The following SLC2A9 variants were observed in gnomAD, a reference collection of about 807,000 sequenced individuals.
SLC2A9 encodes the protein solute carrier family 2, facilitated glucose transporter member 9.
SLC2A9 carries 39 observed loss-of-function variants against 50.6 expected under a neutral mutation model. The ratio of observed to expected loss-of-function variants is 0.77; its 90% CI spans 0.60 to 1.01. The LOEUF (loss-of-function observed/expected upper bound fraction) is 1.01, where lower values mean the gene tolerates loss of function less well. SLC2A9 is among the 50% of genes least tolerant of loss of function. SLC2A9 has a pLI of 0.00. For synonymous variants in SLC2A9, 324 were observed against 276.9 expected (o/e 1.17, Z -1.69); for missense variants, 686 against 677.6 (o/e 1.01, Z -0.14).
At chr4:9,843,340 T>C (rs1477915137) in intron 10 of SLC2A9, among the ~76,000 whole-genome samples, 3 of 152,088 alleles carry the variant, frequency 2.0e-5, no homozygotes, top group Non-Finnish European at 4.4e-5. Flanking sequence ...GTGAAGAAAA[T>C]GTTTATATCA....
chr4:9,860,535 C>A (rs539760294), intron 10 of SLC2A9, among the ~76,000 whole-genome samples: 2 of 152,302 alleles, frequency 1.3e-5, no homozygotes, highest in African/African-American at 4.8e-5. Context: ...GAGCTGAAAC[C>A]CTGCCTTCCC....
At chr4:9,830,497 T>C (rs147789702) in intron 11 of SLC2A9, among the ~76,000 whole-genome samples, 22 of 152,330 alleles carry the variant, frequency 1.4e-4, no homozygotes, top group African/African-American at 5.3e-4. Context: ...CTGCACATCC[T>C]GCACATGTAC....
intron 2 of SLC2A9, among the ~76,000 whole-genome samples, chr4:9,998,597 A>G (rs1425423415): frequency 6.6e-6 from 1 of 152,192 alleles, no homozygotes; most frequent in Non-Finnish European, 1.5e-5. Flanking sequence ...GGCATCAGCT[A>G]GTCAAATGGA....
chr4:9,892,133 G>A (rs1737583482), intron 8 of SLC2A9, among the ~76,000 whole-genome samples: 1 of 152,242 alleles, frequency 6.6e-6, no homozygotes, highest in African/African-American at 2.4e-5. Flanking sequence ...AGCTTAGCAT[G>A]GGCTGTTGTT....
At chr4:9,793,962 G>T (rs868768415) in intron 3 of SLC2A9, among the ~76,000 whole-genome samples, 7 of 152,184 alleles carry the variant, frequency 4.6e-5, no homozygotes, top group African/African-American at 1.2e-4. Flanking sequence ...AGGAAGAAAA[G>T]GGCTTGGGTA....
chr4:9,887,719 C>T (rs1736551222), intron 9 of SLC2A9, 77 bp from the exon 10 acceptor site: 3 of 1,209,792 alleles, frequency 2.5e-6, no homozygotes, highest in Non-Finnish European at 3.3e-6. Context: ...CCCAGCTCCT[C>T]CTCCATCCAT....
Position 9,894,997 on chromosome 4 carries a change from A to G in SLC2A9, c.1114-4286T>C, listed in dbSNP as rs571356463. Reference sequence around the variant, plus strand: ...TACATTGTTTTACGGAAATTAACATATATGTTTACTGATTTCAGTATTTTG... The same window carrying G: ...TACATTGTTTTACGGAAATTAACATGTATGTTTACTGATTTCAGTATTTTG... On this transcript the variant is annotated intron_variant, in intron 8 of 11. Coordinates refer to ENST00000264784, the MANE Select transcript of SLC2A9 (RefSeq NM_020041.3). Among the ~76,000 whole-genome samples the G allele has an allele frequency of 4.6e-5, 7 of 152,324 alleles. No homozygotes were observed. In the South Asian group the frequency reaches 8.3e-4, roughly 18 times the overall value.
intron 7 of SLC2A9, among the ~76,000 whole-genome samples, chr4:9,919,320 A>G (rs1010903177): frequency 2.0e-5 from 3 of 152,212 alleles, no homozygotes; most frequent in Non-Finnish European, 4.4e-5. Context: ...GGAGAAAGGT[A>G]AAAGCAAGAA....
chr4:9,800,795 G>A (rs1177590584), intron 3 of SLC2A9, among the ~76,000 whole-genome samples: 1 of 152,244 alleles, frequency 6.6e-6, no homozygotes, highest in African/African-American at 2.4e-5. Flanking sequence ...ATGGGAGGAT[G>A]TGTGGGGTGA....
intron 3 of SLC2A9, chr4:9,782,011 C>G (rs1718467905): frequency 6.9e-7 from 1 of 1,445,120 alleles, no homozygotes; most frequent in Non-Finnish European, 9.1e-7. Flanking sequence ...CACAGACCGC[C>G]CCTGCAGTCC....
intron 5 of SLC2A9, among the ~76,000 whole-genome samples, chr4:9,973,791 A>G (rs1047006037): frequency 6.6e-6 from 1 of 151,900 alleles, no homozygotes; most frequent in Non-Finnish European, 1.5e-5. Context: ...CAACACACCA[A>G]TATGGCACAT....
At chr4:9,861,466 A>G (rs894146706) in intron 10 of SLC2A9, among the ~76,000 whole-genome samples, 16 of 152,278 alleles carry the variant, frequency 1.1e-4, no homozygotes, top group African/African-American at 3.6e-4. Flanking sequence ...TTACAATTCA[A>G]CATGAGATTT....
chr4:9,773,358 A>G (rs1197988806), intron 1 of SLC2A9, among the ~76,000 whole-genome samples: 1 of 152,122 alleles, frequency 6.6e-6, no homozygotes, highest in Non-Finnish European at 1.5e-5. Context: ...TACAGAACAG[A>G]GCTTTCATTG....
At chr4:9,815,670 T>C (rs1723478461) in intron 3 of SLC2A9, among the ~76,000 whole-genome samples, 1 of 152,160 alleles carries the variant, frequency 6.6e-6, no homozygotes, top group Non-Finnish European at 1.5e-5. Context: ...TATGATGGAC[T>C]AGAAAGAAAG....
chr4:9,956,934 A>G (rs1001850590), intron 5 of SLC2A9, among the ~76,000 whole-genome samples: 4 of 152,146 alleles, frequency 2.6e-5, no homozygotes, highest in Non-Finnish European at 5.9e-5. Flanking sequence ...AGAAGATGGA[A>G]TAGCAAAGTG....
intron 5 of SLC2A9, among the ~76,000 whole-genome samples, chr4:9,964,659 T>C (rs765765719): frequency 6.6e-6 from 1 of 152,230 alleles, no homozygotes; most frequent in Non-Finnish European, 1.5e-5. Context: ...AAATCAAAAG[T>C]TCTTCTCTTC....
chr4:9,898,562 G>A lies in SLC2A9; in HGVS notation c.1114-7851C>T, dbSNP rs536779360. 1.3e-4 allele frequency among the ~76,000 whole-genome samples: 20 copies of A among 152,350 alleles called. No homozygotes were observed. In the South Asian group the frequency reaches 2.5e-3, roughly 19 times the overall value. ...TCCTGACTTTCTCAGGGACTACAGC[G>A]TCCTACATGAGTTCTTCCCTGTGCC... On this transcript the variant is annotated intron_variant, in intron 8 of 11. Coordinates refer to ENST00000264784, the MANE Select transcript of SLC2A9 (RefSeq NM_020041.3).
At chr4:9,906,597 C>G (rs1330178897) in intron 8 of SLC2A9, among the ~76,000 whole-genome samples, 1 of 152,208 alleles carries the variant, frequency 6.6e-6, no homozygotes, top group African/African-American at 2.4e-5. Context: ...ATTTGCCAAA[C>G]TTCCTTGGGT....
At chr4:10,015,189 A>C (rs992389064) in intron 2 of SLC2A9, among the ~76,000 whole-genome samples, 2 of 152,104 alleles carry the variant, frequency 1.3e-5, no homozygotes, top group African/African-American at 2.4e-5. Context: ...TGGACAGGTA[A>C]GTAGCCCTGG....
Sources: allele counts gnomAD v4.1 joint callset (sites outside exome capture counted in the v4.1 genomes callset), GRCh38; gene constraint gnomAD v4.1.1; transcripts MANE v1.5; gene names NCBI Gene and HGNC (gene_info 2026-07-23, HGNC 2026-07-21).